NPNT: variants seen among roughly 807,000 people sequenced by gnomAD.
The protein encoded by NPNT is preosteoblast EGF-like repeat protein with MAM domain.
A neutral mutation model predicts 68.6 loss-of-function variants in NPNT; 45 were observed. The observed-to-expected ratio is 0.66, with a 90% CI of 0.52 to 0.84. NPNT has a LOEUF of 0.84. NPNT is among the 40% of genes least tolerant of loss of function. The probability of loss-of-function intolerance (pLI) is 0.00; values close to 1 mark genes in which losing one functional copy is unlikely to be tolerated. For synonymous variants in NPNT, 233 were observed against 253.3 expected (o/e 0.92, Z 0.76); for missense variants, 672 against 714.8 (o/e 0.94, Z 0.68).
Position 105,970,450 on chromosome 4 carries a change from T to A in NPNT, c.*1460T>A, listed in dbSNP as rs1285375230. On this transcript the variant is annotated 3_prime_UTR_variant, in exon 12 of 12. Transcript: ENST00000379987. ...TGATGGAAAATTAAAGGAACTGGGA[T>A]TATTGAGCCTGGAGAAGAGAAGACT... is the stretch of plus-strand genomic sequence containing the variant. 1 of 700,052 alleles carries A rather than the reference T, an allele frequency of 1.4e-6. No individual in the cohort carries two copies. The highest frequency in any genetic ancestry group is 1.5e-5 in the South Asian group (1 of 67,530). The allele number at this position is 700,052 out of a possible 1,614,324, so 43.4% of individuals were successfully genotyped here.
At chr4:105,913,347 T>A (rs1354663548) in intron 2 of NPNT, among the ~76,000 whole-genome samples, 1 of 152,234 alleles carries the variant, frequency 6.6e-6, no homozygotes. Context: ...CTAGCAGTTA[T>A]AGGATTGACT....
At chr4:105,904,139 A>G (rs950812969) in intron 2 of NPNT, among the ~76,000 whole-genome samples, 3 of 152,112 alleles carry the variant, frequency 2.0e-5, no homozygotes, top group Admixed American at 2.0e-4. Flanking sequence ...ACTGTAATTT[A>G]TTAGCAAGTC....
chr4:105,904,041 C>T (rs1726661792), intron 2 of NPNT, among the ~76,000 whole-genome samples: 1 of 152,146 alleles, frequency 6.6e-6, no homozygotes, highest in South Asian at 2.1e-4. Context: ...ACCTCAGCCT[C>T]CCAAAGTGCT....
intron 8 of NPNT, among the ~76,000 whole-genome samples, chr4:105,951,885 G>T (rs1477795653): frequency 6.6e-6 from 1 of 152,022 alleles, no homozygotes; most frequent in African/African-American, 2.4e-5. Context: ...TACAAGTATT[G>T]TCCTCATTGC....
intron 10 of NPNT, among the ~76,000 whole-genome samples, chr4:105,965,765 T>G (rs1732076126): frequency 1.3e-5 from 2 of 152,234 alleles, no homozygotes; most frequent in Admixed American, 1.3e-4. Context: ...GTATTTTTAG[T>G]GATTCAAGTA....
intron 2 of NPNT, among the ~76,000 whole-genome samples, chr4:105,923,611 A>G (rs1728430413): frequency 6.6e-6 from 1 of 152,094 alleles, no homozygotes; most frequent in Non-Finnish European, 1.5e-5. Context: ...CCCTCTTTCC[A>G]TTCTCAAGAT....
chr4:105,961,102 A>G (rs1214269199), intron 10 of NPNT, among the ~76,000 whole-genome samples: 1 of 152,206 alleles, frequency 6.6e-6, no homozygotes, highest in African/African-American at 2.4e-5. Flanking sequence ...ATTGACACCC[A>G]GAGAAGTTAC....
In NPNT at chr4:105,949,988, G is replaced by A. The variant is rs140593506; in HGVS notation, c.1159+7286G>A. Among the ~76,000 whole-genome samples the A allele has an allele frequency of 3.7e-4, 57 of 152,148 alleles. No homozygotes were observed. The East Asian group carries it at 5.6e-3, about 15-fold the overall frequency. ...TTTTAAACTGTTCAACTGTACTATCGTTGATAACAGTAATTCATTATATCA... is the reference window on the plus strand; with the variant it reads ...TTTTAAACTGTTCAACTGTACTATCATTGATAACAGTAATTCATTATATCA... On this transcript the variant is annotated intron_variant, in intron 8 of 11. Coordinates refer to ENST00000379987, the MANE Select transcript of NPNT (RefSeq NM_001033047.3).
At chr4:105,965,360 CAA>C (rs367576063) in intron 10 of NPNT, among the ~76,000 whole-genome samples, 60 of 71,780 alleles carry the variant, frequency 8.4e-4, no homozygotes, top group South Asian at 5.5e-4. Context: ...TCTTCATGGC[CAA>C]AAAAAAAAAA....
At chr4:105,916,178 A>T (rs1385749630) in intron 2 of NPNT, among the ~76,000 whole-genome samples, 1 of 151,810 alleles carries the variant, frequency 6.6e-6, no homozygotes, top group Non-Finnish European at 1.5e-5. Flanking sequence ...ACTCTAAGAA[A>T]ATATTTGACT....
chr4:105,937,337 T>A (rs1166933895), intron 4 of NPNT, among the ~76,000 whole-genome samples: 1 of 152,034 alleles, frequency 6.6e-6, no homozygotes, highest in Non-Finnish European at 1.5e-5. Context: ...CAATATTAAA[T>A]TGATTAGGAA....
rs1377379226 is a variant in NPNT at position 105,971,033 on chromosome 4, G to T, written c.*2043G>T. ...TCAGTAATGTCCTAGTGTGGCGGTG[G>T]TTTTCAATGTTTCTTCATGTTAAAG... On this transcript the variant is annotated 3_prime_UTR_variant, in exon 12 of 12. Coordinates refer to ENST00000379987, the MANE Select transcript of NPNT (RefSeq NM_001033047.3). The T allele has an allele frequency of 8.1e-6, 3 of 368,432 alleles. No individual in the cohort carries two copies. Among genetic ancestry groups the T allele is most frequent in the African/African-American group, 6.4e-5 (3 of 47,004 alleles). 22.8% of individuals were successfully genotyped at this position (368,432 alleles called of 1,614,324 possible). A position where few individuals can be genotyped will look rare whatever the true frequency, so the allele number is the denominator to read the frequency against.
intron 2 of NPNT, among the ~76,000 whole-genome samples, chr4:105,919,701 C>A (rs1728093963): frequency 6.6e-6 from 1 of 152,014 alleles, no homozygotes; most frequent in African/African-American, 2.4e-5. Flanking sequence ...TAGATTAGAA[C>A]TAAATTTATT....
intron 8 of NPNT, among the ~76,000 whole-genome samples, chr4:105,944,384 GA>G (rs374659194): frequency 6.6e-6 from 1 of 152,048 alleles, no homozygotes; most frequent in African/African-American, 2.4e-5. Flanking sequence ...GGATAACAGG[GA>G]AATTTGGCTA....
intron 2 of NPNT, among the ~76,000 whole-genome samples, chr4:105,900,885 A>G (rs1202424204): frequency 7.4e-5 from 11 of 149,176 alleles, no homozygotes; most frequent in African/African-American, 2.7e-4. Context: ...TGACTCTTAA[A>G]CAGATCTCTA....
intron 8 of NPNT, among the ~76,000 whole-genome samples, chr4:105,943,561 T>C (rs1376880864): frequency 6.6e-6 from 1 of 152,188 alleles, no homozygotes; most frequent in African/African-American, 2.4e-5. Context: ...GATAGAGGAT[T>C]CAGGAAGAGA....
At chr4:105,964,261 C>T (rs1033718403) in intron 10 of NPNT, among the ~76,000 whole-genome samples, 1 of 152,196 alleles carries the variant, frequency 6.6e-6, no homozygotes, top group Non-Finnish European at 1.5e-5. Context: ...TTCCATTACT[C>T]ATCAGATGTA....
chr4:105,958,923 G>A (rs1325746030), intron 9 of NPNT, 105 bp from the exon 10 acceptor site: 1 of 731,974 alleles, frequency 1.4e-6, no homozygotes, highest in South Asian at 1.6e-5. Context: ...TGGTTATATG[G>A]ATAGGAGAGA....
At chr4:105,935,648 C>T (rs1026022447) in intron 3 of NPNT, among the ~76,000 whole-genome samples, 9 of 152,076 alleles carry the variant, frequency 5.9e-5, no homozygotes, top group Non-Finnish European at 1.3e-4. Flanking sequence ...AATTGAAGAA[C>T]GCATAGGAGA....
Sources: gnomAD v4.1 joint callset for allele counts (sites outside exome capture counted in the v4.1 genomes callset) on GRCh38, gnomAD v4.1.1 for gene constraint, MANE v1.5 for transcripts, NCBI Gene and HGNC (gene_info 2026-07-23, HGNC 2026-07-21) for gene names.